CSAD: variants seen among roughly 807,000 people sequenced by gnomAD.
CSAD encodes the protein P-selectin cytoplasmic tail-associated protein.
In CSAD, 47 loss-of-function variants were observed where a neutral mutation model predicts 61.5. That is an observed-to-expected ratio of 0.76 (90% CI 0.60 to 0.97). The LOEUF is 0.97. CSAD is among the 50% of genes least tolerant of loss of function. CSAD has a pLI of 0.00. For missense variants in CSAD, 611 were observed against 643.6 expected, an observed-to-expected ratio of 0.95 and a Z score of 0.55; for synonymous variants, 245 against 252.7, an observed-to-expected ratio of 0.97 and a Z score of 0.29.
intron 14 of CSAD, 29 bp from the exon 15 acceptor site, chr12:53,159,967 C>G: frequency 1.2e-6 from 2 of 1,603,704 alleles, no homozygotes; most frequent in East Asian, 4.5e-5. Flanking sequence ...AAACCATAGG[C>G]GGGGAGGAAA....
Position 53,158,642 on chromosome 12 carries a change from T to G in CSAD, c.1351A>C (p.Met451Leu), listed in dbSNP as rs771282330. 12 of 1,614,068 alleles carry G rather than the reference T, an allele frequency of 7.4e-6. No individual in the cohort carries two copies. Among genetic ancestry groups the G allele is most frequent in the Non-Finnish European group, 1.0e-5 (12 of 1,180,040 alleles). The change falls in exon 17 of 17, where the codon ATG becomes CTG. Residue 451 changes from methionine to leucine, a missense_variant. Met to Leu is a conservative substitution (Grantham distance 15). Transcript: ENST00000444623. ...CCGTGGGGCTGGTAGCCAATCATCA[T>G]GGAGCCCTCCTTCACCATGCGCTCC... ...LKERMVKEGS[M>L]MIGYQPHGTR...
At chr12:53,173,139 C>T (rs1380592477) in intron 4 of CSAD, 23 of 497,614 alleles carry the variant, frequency 4.6e-5, no homozygotes, top group East Asian at 1.6e-4. Flanking sequence ...GCCCGGGAGA[C>T]GGAGGTTGCA....
intron 14 of CSAD, 21 bp downstream of exon 14, chr12:53,160,099 C>T: frequency 6.2e-7 from 1 of 1,611,698 alleles, no homozygotes; most frequent in East Asian, 2.2e-5. Flanking sequence ...CAGGGACGAC[C>T]CCCCACCTCC....
Position 53,159,992 on chromosome 12 carries a change from C to T in CSAD, c.1167-54G>A. ...CGGGGAGGAAAAGCAGAGATCCAGA[C>T]AGAAGAGGCCCACGTAGAATGAGCC... On this transcript the variant is annotated intron_variant, in intron 14 of 16. Transcript: ENST00000444623. 5 of 1,599,822 alleles carry T rather than the reference C, an allele frequency of 3.1e-6. No homozygotes were observed. The South Asian group carries it at 5.5e-5, about 18-fold the overall frequency.
intron 10 of CSAD, among the ~76,000 whole-genome samples, chr12:53,168,917 C>T (rs1216525636): frequency 1.3e-5 from 2 of 152,122 alleles, no homozygotes; most frequent in Non-Finnish European, 2.9e-5. Context: ...TGGTGGCTCA[C>T]GCCTATAATC....
chr12:53,165,727 A>G (rs1277560753), intron 10 of CSAD, among the ~76,000 whole-genome samples: 1 of 152,120 alleles, frequency 6.6e-6, no homozygotes, highest in African/African-American at 2.4e-5. Flanking sequence ...TGAATAAATT[A>G]GAACCCTTGT....
chr12:53,170,181 G>T, intron 9 of CSAD, 55 bp from the exon 10 acceptor site: 1 of 1,509,376 alleles, frequency 6.6e-7, no homozygotes, highest in Non-Finnish European at 9.2e-7. Context: ...TTGAAGGCAG[G>T]GTAAGGTGGG....
rs201265883 is a variant in CSAD, at chr12:53,161,328, G to A, written c.764C>T (p.Pro255Leu). The A allele has an allele frequency of 2.2e-5, 35 of 1,614,082 alleles. No individual in the cohort carries two copies. In the Admixed American group the frequency reaches 5.5e-4, roughly 25 times the overall value. Residue 255 changes from proline (P) to leucine (L), a missense_variant, in exon 11 of 17, where the codon CCC becomes CTC. By Grantham distance (98) the Pro-to-Leu change is moderately conservative (BLOSUM62 -3). Transcript: ENST00000444623. The stretch of plus-strand genomic sequence containing the variant: ...GCACACATCAGCAATTGCCTCCAGG[G>A]GGTCAAAGGCCCCTAGCACAGTGGT... ...SGTTVLGAFD[P>L]LEAIADVCQR...
intron 12 of CSAD, 125 bp downstream of exon 12, chr12:53,161,002 A>G: frequency 8.6e-7 from 1 of 1,164,280 alleles, no homozygotes; most frequent in East Asian, 2.6e-5. Context: ...GCTCCAATCA[A>G]TCCTCTCTCC....
chr12:53,170,455 G>A lies in CSAD; in HGVS notation c.615C>T (p.Thr205=), dbSNP rs764192321. ...QKGAAFLGLG[T]DSVRVVKADE... ...CAGCCTTGACCACTCGGACACTGTC[G>A]GTGCCAAGTCCCAGAAACGCAGCTC... The change falls in exon 9 of 17, where the codon ACC becomes ACT. Residue 205 remains threonine (T), a synonymous_variant. Coordinates refer to ENST00000444623, the MANE Select transcript of CSAD (RefSeq NM_001244705.2). The A allele has an allele frequency of 1.1e-5, 18 of 1,613,984 alleles. No individual in the cohort carries two copies. Among genetic ancestry groups the A allele is most frequent in the Admixed American group, 5.0e-5 (3 of 59,988 alleles).
chr12:53,174,231 C>G (rs937977217), intron 2 of CSAD, among the ~76,000 whole-genome samples: 4 of 150,884 alleles, frequency 2.7e-5, no homozygotes, highest in Admixed American at 1.3e-4. Context: ...TGGCGTGAAC[C>G]CGGGAGGCAG....
At position 53,158,547 on chromosome 12, in the gene CSAD, G is replaced by A. The variant is rs745340823; in HGVS notation, c.1446C>T (p.Leu482=). ...SALTCADMDF[L]LNELERLGQD... is the part of the protein sequence containing the mutation. ...GGCCTAGCCGCTCCAGCTCGTTGAG[G>A]AGGAAGTCCATATCAGCACAGGTCA... Residue 482 remains leucine, a synonymous_variant, in exon 17 of 17, where the codon CTC becomes CTT. Transcript: ENST00000444623. 1.2e-6 allele frequency: 2 copies of A among 1,613,420 alleles called. No individual in the cohort carries two copies. Among genetic ancestry groups the A allele is most frequent in the Non-Finnish European group, 8.5e-7 (1 of 1,180,014 alleles).
At chr12:53,174,009 A>AAACGGGTCATACAGGCCAGGCGC (rs1940900365) in intron 2 of CSAD, 1 of 518,964 alleles carries the variant, frequency 1.9e-6, no homozygotes, top group African/African-American at 1.9e-5. Flanking sequence ...ATTTCATGTA[A>AAACGGGTCATACAGGCCAGGCGC]AACGGGTCAT....
At chr12:53,163,245 CA>C (rs1328721414) in intron 10 of CSAD, among the ~76,000 whole-genome samples, 3 of 151,464 alleles carry the variant, frequency 2.0e-5, no homozygotes, top group Non-Finnish European at 2.9e-5. Flanking sequence ...CAAAAACAAA[CA>C]AAAAAAATCT....
chr12:53,172,006 G>A lies in CSAD; in HGVS notation c.345-18C>T, dbSNP rs1027211015. ...ATGTGTACCTGCCAGGAGAGAGAAC[G>A]ACGAGAAAGGAGAGATGGGGAGGGA... On this transcript the variant is annotated intron_variant, in intron 6 of 16. Coordinates refer to ENST00000444623, the MANE Select transcript of CSAD (RefSeq NM_001244705.2). The A allele has an allele frequency of 3.8e-6, 6 of 1,576,036 alleles. No homozygotes were observed. The highest frequency in any genetic ancestry group is 2.2e-5 in the East Asian group (1 of 44,656).
Position 53,171,939 on chromosome 12 carries a change from G to A in CSAD, c.394C>T (p.Leu132=), listed in dbSNP as rs1222090374. The stretch of plus-strand genomic sequence containing the variant: ...CCCACCAGGGCCCGCAGTTTCCTCA[G>A]CACCTCCTCTTCCATGAGCACAAAC... ...PVFVLMEEEV[L]RKLRALVGWS... is the part of the protein sequence containing the mutation. Residue 132 remains leucine (L), a synonymous_variant, in exon 7 of 17, where the codon CTG becomes TTG. Coordinates refer to ENST00000444623, the MANE Select transcript of CSAD (RefSeq NM_001244705.2). 6.2e-7 allele frequency: 1 copy of A among 1,613,820 alleles called. No individual in the cohort carries two copies. The highest frequency in any genetic ancestry group is 2.2e-5 in the East Asian group (1 of 44,886).
intron 2 of CSAD, among the ~76,000 whole-genome samples, chr12:53,177,627 T>C (rs1016250877): frequency 6.6e-6 from 1 of 150,658 alleles, no homozygotes; most frequent in African/African-American, 2.5e-5. Context: ...ACCCATCTAT[T>C]TATTTATTTA....
intron 4 of CSAD, 68 bp from the exon 5 acceptor site, chr12:53,172,716 A>G (rs1940732151): frequency 3.3e-6 from 5 of 1,516,490 alleles, no homozygotes; most frequent in Non-Finnish European, 4.4e-6. Context: ...CCACACCTCC[A>G]CAGACACGAG....
intron 2 of CSAD, 124 bp downstream of exon 2, chr12:53,178,978 C>G (rs931806669): frequency 6.6e-6 from 1 of 152,114 alleles, no homozygotes; most frequent in Admixed American, 6.6e-5. Flanking sequence ...CTCAGCCTCT[C>G]GAGTAGCTGG....
Sources: allele counts gnomAD v4.1 joint callset (sites outside exome capture counted in the v4.1 genomes callset), GRCh38; gene constraint gnomAD v4.1.1; transcripts MANE v1.5; gene names NCBI Gene and HGNC (gene_info 2026-07-23, HGNC 2026-07-21).